Variants in FGGY observed in about 807,000 individuals in gnomAD.
FGGY encodes the protein FGGY carbohydrate kinase domain-containing protein.
FGGY carries 72 observed loss-of-function variants against 71.3 expected under a neutral mutation model. The ratio of observed to expected loss-of-function variants is 1.01; its 90% CI spans 0.84 to 1.23. The LOEUF is 1.23. Ranked by LOEUF, FGGY falls within the 50% of genes most tolerant of loss-of-function variation. The probability of loss-of-function intolerance (pLI) is 0.00; values close to 1 mark genes in which losing one functional copy is unlikely to be tolerated. For missense variants in FGGY, 668 were observed against 682.3 expected, an observed-to-expected ratio of 0.98 and a Z score of 0.23; for synonymous variants, 251 against 250.3, an observed-to-expected ratio of 1.00 and a Z score of -0.02.
chr1:59,614,785 A>G (rs537289394), intron 9 of FGGY, among the ~76,000 whole-genome samples: 40 of 152,226 alleles, frequency 2.6e-4, no homozygotes, highest in Non-Finnish European at 4.6e-4. Flanking sequence ...TAAGCTGATA[A>G]GCAACTTCAG....
chr1:59,306,112 T>C (rs1231677132), intron 1 of FGGY, among the ~76,000 whole-genome samples: 1 of 152,216 alleles, frequency 6.6e-6, no homozygotes, highest in Non-Finnish European at 1.5e-5. Context: ...TCCAATGTCA[T>C]GAGAATCTTT....
chr1:59,713,674 A>T (rs1006594317), intron 14 of FGGY, among the ~76,000 whole-genome samples: 11 of 152,192 alleles, frequency 7.2e-5, no homozygotes, highest in Non-Finnish European at 1.3e-4. Flanking sequence ...TAATCAAATA[A>T]AAAGCTGACA....
At chr1:59,464,841 T>C (rs1331516726) in intron 6 of FGGY, among the ~76,000 whole-genome samples, 1 of 152,130 alleles carries the variant, frequency 6.6e-6, no homozygotes, top group Non-Finnish European at 1.5e-5. Context: ...AATTCCTGAA[T>C]ACACCAATAA....
chr1:59,577,364 T>A (rs2096099584), intron 8 of FGGY, among the ~76,000 whole-genome samples: 3 of 152,346 alleles, frequency 2.0e-5, no homozygotes, highest in Middle Eastern at 6.8e-3. Context: ...TGGCCATTCA[T>A]CTCCTTAAAG....
chr1:59,386,263 T>C (rs1279956198), intron 5 of FGGY, among the ~76,000 whole-genome samples: 1 of 152,168 alleles, frequency 6.6e-6, no homozygotes, highest in Non-Finnish European at 1.5e-5. Flanking sequence ...TTGGCTGTGA[T>C]AGTTTCTGCG....
intron 6 of FGGY, among the ~76,000 whole-genome samples, chr1:59,506,537 G>A (rs866424314): frequency 7.2e-5 from 11 of 152,228 alleles, no homozygotes; most frequent in African/African-American, 2.7e-4. Flanking sequence ...GGTGGCTTAT[G>A]CCTGTAATCC....
chr1:59,528,244 G>A (rs781010316), intron 7 of FGGY, among the ~76,000 whole-genome samples: 1 of 152,218 alleles, frequency 6.6e-6, no homozygotes, highest in Non-Finnish European at 1.5e-5. Flanking sequence ...GAGCAATAAA[G>A]AGTTTTTCCA....
At chr1:59,402,723 T>C (rs1241377822) in intron 5 of FGGY, among the ~76,000 whole-genome samples, 1 of 152,120 alleles carries the variant, frequency 6.6e-6, no homozygotes, top group Admixed American at 6.5e-5. Flanking sequence ...AGCAGCTCTG[T>C]GGTTCAGAGT....
At chr1:59,696,619 G>T (rs4912406) in intron 14 of FGGY, among the ~76,000 whole-genome samples, 124,112 of 152,158 alleles carry the variant, frequency 0.82, 51,128 homozygotes, top group Non-Finnish European at 0.88. Context: ...CCTTCCAAGA[G>T]GCCTTTCAAT....
At chr1:59,576,496 A>G (rs1359070574) in intron 8 of FGGY, among the ~76,000 whole-genome samples, 3 of 152,132 alleles carry the variant, frequency 2.0e-5, no homozygotes, top group African/African-American at 7.2e-5. Context: ...GCAGCAAACC[A>G]CCATGGCACA....
At chr1:59,459,892 G>T (rs1209055936) in intron 6 of FGGY, among the ~76,000 whole-genome samples, 1 of 152,168 alleles carries the variant, frequency 6.6e-6, no homozygotes, top group Non-Finnish European at 1.5e-5. Flanking sequence ...GTGATTATCT[G>T]CATTACTAAC....
intron 1 of FGGY, among the ~76,000 whole-genome samples, chr1:59,306,491 G>A (rs2043456776): frequency 6.6e-6 from 1 of 152,238 alleles, no homozygotes. Flanking sequence ...GGAAGGACTG[G>A]TTACCAGAAC....
intron 8 of FGGY, among the ~76,000 whole-genome samples, chr1:59,579,559 T>C (rs375355447): frequency 3.9e-5 from 6 of 152,184 alleles, no homozygotes; most frequent in African/African-American, 1.4e-4. Flanking sequence ...TACACTTGCC[T>C]ATGTCAAAAC....
rs537483844 is a variant in FGGY, at chr1:59,304,167, G to A, written c.-15+7017G>A. Among the ~76,000 whole-genome samples, 224 of 152,154 alleles carry A rather than the reference G, an allele frequency of 1.5e-3. 2 individuals are homozygous for A. Among genetic ancestry groups the A allele is most frequent in the African/African-American group, 5.1e-3 (210 of 41,534 alleles). On this transcript the variant is annotated intron_variant, in intron 1 of 15. Coordinates refer to ENST00000303721, the MANE Select transcript of FGGY (RefSeq NM_018291.5). The stretch of plus-strand genomic sequence containing the variant: ...AAAAATCATAGCCAAGACCAATGTC[G>A]AGGAGTTTTTTGTCGTTTTCTTCTA...
chr1:59,664,900 A>G (rs2097310008), intron 12 of FGGY, among the ~76,000 whole-genome samples: 1 of 152,108 alleles, frequency 6.6e-6, no homozygotes, highest in South Asian at 2.1e-4. Flanking sequence ...AATCTATAGA[A>G]TTTTTAACTA....
intron 10 of FGGY, 50 bp from the exon 11 acceptor site, chr1:59,638,178 G>T: frequency 6.4e-7 from 1 of 1,565,012 alleles, no homozygotes. Context: ...AGAATGATTT[G>T]CTCCCTGACC....
At chr1:59,723,762 C>T (rs2097917130) in intron 14 of FGGY, among the ~76,000 whole-genome samples, 2 of 152,194 alleles carry the variant, frequency 1.3e-5, no homozygotes, top group Non-Finnish European at 2.9e-5. Context: ...AATTTACGTA[C>T]ATTAAGGTTT....
At chr1:59,313,567 A>G (rs1028716691) in intron 1 of FGGY, among the ~76,000 whole-genome samples, 3 of 152,136 alleles carry the variant, frequency 2.0e-5, no homozygotes, top group Admixed American at 2.0e-4. Context: ...TGATATATGT[A>G]TCACACACAC....
rs752954421 is a variant in FGGY at position 59,346,401 on chromosome 1, GAGTGCATAGGGTCTAAGAGA to G, written c.465+6_465+25del. On this transcript the variant is annotated splice_donor_5th_base_variant and intron_variant, in intron 4 of 15. Transcript: ENST00000303721. ...CGAAACTTCTGTGGCTGAAAGAGGTGAGTGCATAGGGTCTAAGAGAAGATACCAACAATAGTAGAGGATTC... is the reference window on the plus strand; with the variant it reads ...CGAAACTTCTGTGGCTGAAAGAGGTGAGATACCAACAATAGTAGAGGATTC... The G allele has an allele frequency of 5.0e-6, 8 of 1,611,202 alleles. No individual in the cohort carries two copies. Among genetic ancestry groups the G allele is most frequent in the Admixed American group, 1.7e-5 (1 of 59,934 alleles).
Sources: allele counts gnomAD v4.1 joint callset (sites outside exome capture counted in the v4.1 genomes callset), GRCh38; gene constraint gnomAD v4.1.1; transcripts MANE v1.5; gene names NCBI Gene and HGNC (gene_info 2026-07-23, HGNC 2026-07-21).